Variants in GPD2 observed in about 807,000 individuals in gnomAD.
GPD2 encodes glycerol-3-phosphate dehydrogenase, mitochondrial.
In GPD2, 54 loss-of-function variants were observed where a neutral mutation model predicts 82.4. That is an observed-to-expected ratio of 0.66 (90% CI 0.53 to 0.82). The LOEUF (loss-of-function observed/expected upper bound fraction) is 0.82, where lower values mean the gene tolerates loss of function less well. Ranked by LOEUF, GPD2 falls within the 40% of genes least tolerant of loss-of-function variation. GPD2 has a pLI of 0.00. For missense variants in GPD2, 748 were observed against 896.2 expected (o/e 0.83, Z 2.11); for synonymous variants, 288 against 306.1 (o/e 0.94, Z 0.62).
rs34925801 is a variant in GPD2, at chr2:156,574,215, G to GAA, written c.1767+2933_1767+2934dup. Among the ~76,000 whole-genome samples, 945 of 146,154 alleles carry GAA rather than the reference G, an allele frequency of 6.5e-3. 3 individuals carry two copies. The highest frequency in any genetic ancestry group is 8.6e-3 in the Non-Finnish European group (570 of 66,374). On this transcript the variant is annotated intron_variant, in intron 13 of 16. Transcript: ENST00000438166. ...AGAGGAGTTGGCAGGAACATTTAGA[G>GAA]AAAAAAAAAAACATTGCCAAATTGT...
At chr2:156,400,321 C>G in the GPD2 span, among the ~76,000 whole-genome samples, 1 of 152,246 alleles carries the variant, frequency 6.6e-6, no homozygotes, top group Non-Finnish European at 1.5e-5. Flanking sequence ...CGGCGCGGCC[C>G]GAGCGCTGGG....
chr2:156,521,828 A>C (rs767831883), intron 6 of GPD2, among the ~76,000 whole-genome samples: 2 of 152,204 alleles, frequency 1.3e-5, no homozygotes, highest in African/African-American at 2.4e-5. Context: ...CTCCTTGTTC[A>C]TATGCAATTT....
At chr2:156,400,602 G>T in the GPD2 span, among the ~76,000 whole-genome samples, 1 of 152,238 alleles carries the variant, frequency 6.6e-6, no homozygotes, top group African/African-American at 2.4e-5. Flanking sequence ...GTTGCGCGAG[G>T]TCTGAATGCA....
At chr2:156,401,911 G>A in the GPD2 span, among the ~76,000 whole-genome samples, 1 of 152,126 alleles carries the variant, frequency 6.6e-6, no homozygotes, top group Non-Finnish European at 1.5e-5. Context: ...TTCTAAATAC[G>A]AGATAAAAGG....
intron 3 of GPD2, among the ~76,000 whole-genome samples, chr2:156,508,733 A>G (rs1235099561): frequency 6.6e-6 from 1 of 152,206 alleles, no homozygotes; most frequent in Non-Finnish European, 1.5e-5. Flanking sequence ...TGAAGAAAAA[A>G]TGGTCTATTT....
intron 6 of GPD2, among the ~76,000 whole-genome samples, chr2:156,520,357 A>G (rs974979344): frequency 1.4e-4 from 2 of 14,046 alleles, no homozygotes; most frequent in African/African-American, 4.1e-4. Context: ...CTCCTGTCCA[A>G]TATCACTAGG....
intron 1 of GPD2, among the ~76,000 whole-genome samples, chr2:156,466,917 C>T (rs1683169306): frequency 6.6e-6 from 1 of 152,208 alleles, no homozygotes; most frequent in African/African-American, 2.4e-5. Context: ...TTCCAGGCTC[C>T]TGCCCTCCTT....
At chr2:156,572,895 G>C (rs996396383) in intron 13 of GPD2, among the ~76,000 whole-genome samples, 5 of 152,134 alleles carry the variant, frequency 3.3e-5, no homozygotes, top group African/African-American at 1.2e-4. Flanking sequence ...GGTTCTGGAG[G>C]CTGGGAAGTC....
At chr2:156,549,581 C>T (rs768950277) in intron 6 of GPD2, 27 bp from the exon 7 acceptor site, 9 of 1,610,364 alleles carry the variant, frequency 5.6e-6, no homozygotes, top group Non-Finnish European at 7.6e-6. Context: ...GACTCCTCTC[C>T]CTCCCCTGAT....
At chr2:156,524,069 T>G (rs1015686756) in intron 6 of GPD2, among the ~76,000 whole-genome samples, 2 of 152,194 alleles carry the variant, frequency 1.3e-5, no homozygotes, top group Admixed American at 1.3e-4. Context: ...ACGTTGGGGC[T>G]TCTAGTGAAC....
intron 1 of GPD2, among the ~76,000 whole-genome samples, chr2:156,437,570 C>G (rs1163572885): frequency 6.6e-6 from 1 of 152,212 alleles, no homozygotes; most frequent in Non-Finnish European, 1.5e-5. Context: ...AATTACAACA[C>G]TCCCTTGACT....
At chr2:156,493,038 T>C (rs1684240304) in intron 2 of GPD2, among the ~76,000 whole-genome samples, 1 of 152,202 alleles carries the variant, frequency 6.6e-6, no homozygotes, top group African/African-American at 2.4e-5. Flanking sequence ...TTTGATGATA[T>C]GGGGTACATA....
chr2:156,469,002 C>T (rs1012129845), intron 1 of GPD2, among the ~76,000 whole-genome samples: 2 of 152,206 alleles, frequency 1.3e-5, no homozygotes, highest in African/African-American at 4.8e-5. Flanking sequence ...TAGCCATCCT[C>T]TACTCTCTGA....
chr2:156,401,037 C>G, the GPD2 span, among the ~76,000 whole-genome samples: 1 of 152,200 alleles, frequency 6.6e-6, no homozygotes, highest in Non-Finnish European at 1.5e-5. Context: ...AGGGAATTGG[C>G]TTTCATTAAT....
At chr2:156,478,279 C>T (rs1388678574) in intron 2 of GPD2, among the ~76,000 whole-genome samples, 1 of 152,070 alleles carries the variant, frequency 6.6e-6, no homozygotes, top group African/African-American at 2.4e-5. Context: ...TCCTGACCAC[C>T]CTAATAGCCA....
At chr2:156,578,788 G>A (rs966342231) in intron 13 of GPD2, 101 bp from the exon 14 acceptor site, 4 of 763,132 alleles carry the variant, frequency 5.2e-6, no homozygotes, top group Admixed American at 3.7e-5. Context: ...GGTTAGATAA[G>A]TAAGGATCAA....
chr2:156,503,638 T>A (rs182297989), intron 3 of GPD2, among the ~76,000 whole-genome samples: 1 of 152,310 alleles, frequency 6.6e-6, no homozygotes, highest in Admixed American at 6.5e-5. Context: ...CTAAGATGTG[T>A]TACAAATTTT....
intron 6 of GPD2, among the ~76,000 whole-genome samples, chr2:156,518,599 A>G (rs1347020766): frequency 1.3e-5 from 2 of 152,200 alleles, no homozygotes; most frequent in Non-Finnish European, 2.9e-5. Context: ...AAAGACAAGT[A>G]TTTTAAGGTG....
the GPD2 span, among the ~76,000 whole-genome samples, chr2:156,419,049 C>CTTTTTTTTT: frequency 2.6e-5 from 2 of 77,200 alleles, no homozygotes; most frequent in African/African-American, 4.6e-5. Flanking sequence ...TTCTTTCCTT[C>CTTTTTTTTT]TTTTTTTTTT....
Sources: allele counts gnomAD v4.1 joint callset (sites outside exome capture counted in the v4.1 genomes callset), GRCh38; gene constraint gnomAD v4.1.1; transcripts MANE v1.5; gene names NCBI Gene and HGNC (gene_info 2026-07-23, HGNC 2026-07-21).